Variants in FAM76A observed in about 807,000 individuals in gnomAD.
FAM76A encodes the protein family with sequence similarity 76 member A, also known as protein FAM76A.
In FAM76A, 32 loss-of-function variants were observed where a neutral mutation model predicts 46.2. That is an observed-to-expected ratio of 0.69 (90% CI 0.52 to 0.93). The LOEUF (loss-of-function observed/expected upper bound fraction) is 0.93. FAM76A is among the 40% of genes least tolerant of loss of function. The pLI, the probability that FAM76A is intolerant of heterozygous loss-of-function variation, is 0.00. For missense variants in FAM76A, 274 were observed against 361.5 expected, an observed-to-expected ratio of 0.76 and a Z score of 1.96; for synonymous variants, 137 against 127.0, an observed-to-expected ratio of 1.08 and a Z score of -0.53.
At chr1:27,759,665 T>C (rs2088470105) in intron 8 of FAM76A, 38 bp downstream of exon 8, 5 of 1,391,708 alleles carry the variant, frequency 3.6e-6, no homozygotes, top group Admixed American at 1.8e-5. Context: ...TAAAATTGTG[T>C]ACCTACCTGG....
intron 4 of FAM76A, among the ~76,000 whole-genome samples, chr1:27,741,132 CA>C (rs1331913991): frequency 0.014 from 1,255 of 91,414 alleles, 9 homozygotes; most frequent in Non-Finnish European, 0.02. Flanking sequence ...AACTCCGTCT[CA>C]AAAAAAAAAA....
At chr1:27,741,428 G>A (rs1377979027) in intron 4 of FAM76A, among the ~76,000 whole-genome samples, 1 of 151,878 alleles carries the variant, frequency 6.6e-6, no homozygotes, top group Non-Finnish European at 1.5e-5. Flanking sequence ...CCAAAGTGCT[G>A]GGATTACAGG....
At chr1:27,733,819 C>T (rs1322932300) in intron 3 of FAM76A, among the ~76,000 whole-genome samples, 2 of 152,008 alleles carry the variant, frequency 1.3e-5, no homozygotes, top group Non-Finnish European at 2.9e-5. Flanking sequence ...CACTGCACTC[C>T]AGCCTGGGCA....
In FAM76A at chr1:27,755,315, A is replaced by G; in HGVS notation, c.720A>G (p.Leu240=). 2 of 1,614,202 alleles carry G rather than the reference A, an allele frequency of 1.2e-6. No homozygotes were observed. Among genetic ancestry groups the G allele is most frequent in the Non-Finnish European group, 1.7e-6 (2 of 1,180,028 alleles). The change falls in exon 7 of 9, where the codon TTA becomes TTG. Residue 240 remains leucine (L), a synonymous_variant. Coordinates refer to ENST00000373954, the MANE Select transcript of FAM76A (RefSeq NM_152660.3). ...KMLHQKDQMI[L]EKEKKITELK... ...TGCATCAAAAGGATCAAATGATTTT[A>G]GAGAAAGAGAAGAAGGTATGGTTTA...
chr1:27,731,094 G>C (rs1249652675), intron 2 of FAM76A, among the ~76,000 whole-genome samples: 1 of 151,866 alleles, frequency 6.6e-6, no homozygotes, highest in Non-Finnish European at 1.5e-5. Context: ...TTTTCCCCCG[G>C]GCAGCTTTAT....
intron 4 of FAM76A, among the ~76,000 whole-genome samples, chr1:27,741,270 C>A (rs1210713994): frequency 7.2e-6 from 1 of 139,178 alleles, no homozygotes; most frequent in Non-Finnish European, 1.5e-5. Context: ...ACAATCTAGA[C>A]TCACTACAGC....
chr1:27,763,055 G>A lies in FAM76A; in HGVS notation c.*2474G>A, dbSNP rs2088531584. The A allele has an allele frequency of 6.6e-6, 1 of 152,154 alleles. No individual in the cohort carries two copies. The highest frequency in any genetic ancestry group is 2.4e-5 in the African/African-American group (1 of 41,456). 9.4% of individuals were successfully genotyped at this position (152,154 alleles called of 1,614,324 possible). On this transcript the variant is annotated 3_prime_UTR_variant, in exon 9 of 9. Transcript: ENST00000373954. ...TAATAATGGACATTTTAAAACACAG[G>A]AATGTTTTGGTTTGTACAGACTTTG...
chr1:27,734,174 TAGAA>T lies in FAM76A; in HGVS notation c.350_353del (p.Lys117ArgfsTer2), dbSNP rs1557776123. On this transcript the variant is annotated frameshift_variant, in exon 4 of 9. Transcript: ENST00000373954. LOFTEE classifies it high-confidence loss of function. ...AGTGTGCATTTGACAGGAAAGATGA[TAGAA>T]AGAAGGTAAATCTCTGTTTTTCTTG... The T allele has an allele frequency of 3.8e-6, 6 of 1,574,686 alleles. No homozygotes were observed. The highest frequency in any genetic ancestry group is 1.4e-5 in the African/African-American group (1 of 72,104).
intron 4 of FAM76A, among the ~76,000 whole-genome samples, chr1:27,735,060 A>T (rs2088022071): frequency 6.6e-6 from 1 of 152,182 alleles, no homozygotes; most frequent in Non-Finnish European, 1.5e-5. Context: ...CTCATCTTGC[A>T]TCATACTTTC....
At chr1:27,741,954 C>T (rs2088162782) in intron 4 of FAM76A, among the ~76,000 whole-genome samples, 2 of 151,186 alleles carry the variant, frequency 1.3e-5, no homozygotes, top group Admixed American at 6.6e-5. Context: ...GGGGAAATAG[C>T]TTATTGGAGG....
At chr1:27,740,016 C>A in intron 4 of FAM76A, 1 of 349,890 alleles carries the variant, frequency 2.9e-6, no homozygotes, top group Non-Finnish European at 5.6e-6. Context: ...GTTTAGGGGT[C>A]AAGTGCCTCC....
At chr1:27,749,472 A>G (rs1473282016) in intron 6 of FAM76A, among the ~76,000 whole-genome samples, 1 of 152,080 alleles carries the variant, frequency 6.6e-6, no homozygotes, top group Non-Finnish European at 1.5e-5. Context: ...GGTTCGAGCA[A>G]TTCTCATGCC....
intron 4 of FAM76A, 116 bp downstream of exon 4, chr1:27,734,299 G>A: frequency 7.4e-6 from 8 of 1,087,848 alleles, no homozygotes; most frequent in South Asian, 1.8e-5. Context: ...TGTAATCCCA[G>A]CACTTTGGGA....
At chr1:27,756,323 C>G (rs1166541195) in intron 7 of FAM76A, among the ~76,000 whole-genome samples, 1 of 151,340 alleles carries the variant, frequency 6.6e-6, no homozygotes, top group Non-Finnish European at 1.5e-5. Context: ...TCTTTTTTTT[C>G]TTTTTTTGTT....
Position 27,744,667 on chromosome 1 carries a change from T to TG in FAM76A, c.369dup (p.Leu124AlafsTer25). On this transcript the variant is annotated frameshift_variant, in exon 5 of 9. Coordinates refer to ENST00000373954, the MANE Select transcript of FAM76A (RefSeq NM_152660.3). LOFTEE classifies it high-confidence loss of function. Reference sequence around the variant, plus strand: ...CTTGTCTTTCAGGTAGATGGGAAATTGCTGTGCTGGCTGTGCACACTTTCA... The same window carrying TG: ...CTTGTCTTTCAGGTAGATGGGAAATTGGCTGTGCTGGCTGTGCACACTTTCA... 1.2e-6 allele frequency: 2 copies of TG among 1,614,024 alleles called. No homozygotes were observed. Among genetic ancestry groups the TG allele is most frequent in the Non-Finnish European group, 1.7e-6 (2 of 1,179,948 alleles).
intron 2 of FAM76A, chr1:27,730,233 C>CTAGA (rs2087931749): frequency 4.8e-6 from 1 of 209,502 alleles, no homozygotes; most frequent in Admixed American, 5.9e-5. Context: ...GTTGCCCAGG[C>CTAGA]TAGAGTGCAA....
At chr1:27,746,213 A>G (rs927155829) in intron 5 of FAM76A, among the ~76,000 whole-genome samples, 7 of 152,222 alleles carry the variant, frequency 4.6e-5, no homozygotes, top group Admixed American at 6.5e-5. Flanking sequence ...GAAACAGATA[A>G]TCTGATGAAC....
Position 27,727,531 on chromosome 1 carries a change from G to A in FAM76A, c.141G>A (p.Gln47=). The change falls in exon 2 of 9, where the codon CAG becomes CAA. Residue 47 remains glutamine (Q), a synonymous_variant. Transcript: ENST00000373954. ...KCTYCRTEYQ[Q]ESKTNTICKK... ...CCTACTGCAGGACTGAGTACCAGCA[G>A]GAGAGGTAGAGTTTTGTTGACCATG... The A allele has an allele frequency of 6.2e-7, 1 of 1,613,250 alleles. No individual in the cohort carries two copies. The highest frequency in any genetic ancestry group is 8.5e-7 in the Non-Finnish European group (1 of 1,179,252).
intron 4 of FAM76A, chr1:27,740,550 G>C: frequency 8.6e-7 from 1 of 1,165,352 alleles, no homozygotes; most frequent in Non-Finnish European, 1.3e-6. Flanking sequence ...GTTATGAGGA[G>C]TGAGGACCCC....
Sources: allele counts gnomAD v4.1 joint callset (sites outside exome capture counted in the v4.1 genomes callset), GRCh38; gene constraint gnomAD v4.1.1; transcripts MANE v1.5; gene names NCBI Gene and HGNC (gene_info 2026-07-23, HGNC 2026-07-21).